MEIS2: variants seen among roughly 807,000 people sequenced by gnomAD.
The protein encoded by MEIS2 is homeobox protein Meis2.
Under a neutral mutation model 58.6 loss-of-function variants are expected in MEIS2, and 9 were observed. That is an observed-to-expected ratio of 0.15 (90% CI 0.09 to 0.27). The LOEUF is 0.27. Ranked by LOEUF, MEIS2 falls within the 10% of genes least tolerant of loss-of-function variation. The pLI, the probability that MEIS2 is intolerant of heterozygous loss-of-function variation, is 1.00. For missense variants in MEIS2, 427 were observed against 635.0 expected, an observed-to-expected ratio of 0.67 and a Z score of 3.52; for synonymous variants, 221 against 228.4, an observed-to-expected ratio of 0.97 and a Z score of 0.29.
Position 37,099,679 on chromosome 15 carries a change from T to C in MEIS2, c.-213A>G. The C allele has an allele frequency of 1.8e-6, 1 of 561,156 alleles. No individual in the cohort carries two copies. The highest frequency in any genetic ancestry group is 3.0e-6 in the Non-Finnish European group (1 of 334,706). The allele number at this position is 561,156 out of a possible 1,614,324, so 34.8% of individuals were successfully genotyped here. On this transcript the variant is annotated 5_prime_UTR_variant, in exon 1 of 12. Transcript: ENST00000561208. ...CTGTGATATTTCTTCTTTTTCTCTTTTTTCCTCTTCTTCCTCCTCCTCCTG... is the reference window on the plus strand; with the variant it reads ...CTGTGATATTTCTTCTTTTTCTCTTCTTTCCTCTTCTTCCTCCTCCTCCTG...
intron 8 of MEIS2, among the ~76,000 whole-genome samples, chr15:37,032,424 C>G (rs2061968273): frequency 6.6e-6 from 1 of 152,244 alleles, no homozygotes; most frequent in South Asian, 2.1e-4. Context: ...CTGTTTCTTT[C>G]TTTATCTTTG....
At chr15:37,074,549 G>A (rs1385017011) in intron 7 of MEIS2, among the ~76,000 whole-genome samples, 1 of 151,920 alleles carries the variant, frequency 6.6e-6, no homozygotes, top group East Asian at 1.9e-4. Flanking sequence ...TATTTTACAG[G>A]TGAGCAAAAG....
chr15:37,015,485 A>C (rs199885533), intron 8 of MEIS2, among the ~76,000 whole-genome samples: 1 of 151,104 alleles, frequency 6.6e-6, no homozygotes, highest in South Asian at 2.1e-4. Context: ...CACACACACA[A>C]ACACACTTCT....
At position 36,892,001 on chromosome 15, in the gene MEIS2, C is replaced by T; in HGVS notation, c.*172G>A. On this transcript the variant is annotated 3_prime_UTR_variant, in exon 12 of 12. Coordinates refer to ENST00000561208, the MANE Select transcript of MEIS2 (RefSeq NM_170675.5). ...AATTGTCTCAGTCAGCCCATGATTT[C>T]ACATTTGTGTTCTTGTTGCATTGGT... is the stretch of plus-strand genomic sequence containing the variant. The T allele has an allele frequency of 4.2e-6, 3 of 707,244 alleles. No individual in the cohort carries two copies. The allele number at this position is 707,244 out of a possible 1,614,324, so 43.8% of individuals were successfully genotyped here.
chr15:36,905,963 G>A (rs927015309), intron 9 of MEIS2, among the ~76,000 whole-genome samples: 3 of 152,164 alleles, frequency 2.0e-5, no homozygotes, highest in African/African-American at 7.2e-5. Context: ...AATTAAAGAA[G>A]TTAAAGATAA....
At chr15:36,980,459 A>G (rs1276095082) in intron 8 of MEIS2, among the ~76,000 whole-genome samples, 1 of 152,114 alleles carries the variant, frequency 6.6e-6, no homozygotes, top group Non-Finnish European at 1.5e-5. Context: ...CACCTCTTAC[A>G]TGGATGGCAG....
chr15:37,029,618 A>G (rs2061836526), intron 8 of MEIS2, among the ~76,000 whole-genome samples: 1 of 152,144 alleles, frequency 6.6e-6, no homozygotes, highest in Admixed American at 6.6e-5. Context: ...TTGGTGATAC[A>G]TAAGCTCTGA....
chr15:36,964,728 G>A (rs968413589), intron 8 of MEIS2, among the ~76,000 whole-genome samples: 1 of 152,098 alleles, frequency 6.6e-6, no homozygotes, highest in Non-Finnish European at 1.5e-5. Flanking sequence ...TACCCTAGTG[G>A]ATAAACATTT....
chr15:37,087,712 G>T (rs931524586), intron 6 of MEIS2, among the ~76,000 whole-genome samples: 1 of 152,150 alleles, frequency 6.6e-6, no homozygotes, highest in African/African-American at 2.4e-5. Flanking sequence ...TGCCTCTCTT[G>T]TTGAAGTTGC....
intron 9 of MEIS2, among the ~76,000 whole-genome samples, chr15:36,946,544 CT>C (rs1372755617): frequency 6.6e-6 from 1 of 151,952 alleles, no homozygotes; most frequent in African/African-American, 2.4e-5. Context: ...CTATTTACCC[CT>C]GGAAGAAATC....
intron 8 of MEIS2, among the ~76,000 whole-genome samples, chr15:36,974,289 C>A (rs2141478726): frequency 6.6e-6 from 1 of 152,278 alleles, no homozygotes; most frequent in Middle Eastern, 3.4e-3. Context: ...CAAGCTCCTA[C>A]ATAGTTCGTT....
intron 9 of MEIS2, among the ~76,000 whole-genome samples, chr15:36,918,708 C>T (rs1193865650): frequency 6.6e-6 from 1 of 152,080 alleles, no homozygotes; most frequent in Non-Finnish European, 1.5e-5. Flanking sequence ...GCTTTGGGCC[C>T]TTCCTTGAAG....
At chr15:37,042,708 C>A (rs973445752) in intron 7 of MEIS2, among the ~76,000 whole-genome samples, 1 of 152,222 alleles carries the variant, frequency 6.6e-6, no homozygotes, top group African/African-American at 2.4e-5. Flanking sequence ...CTGAGCTAGA[C>A]CTGGTCCAAG....
chr15:36,929,549 C>T (rs1388088227), intron 9 of MEIS2, among the ~76,000 whole-genome samples: 1 of 152,224 alleles, frequency 6.6e-6, no homozygotes, highest in Non-Finnish European at 1.5e-5. Flanking sequence ...GGAGAATACA[C>T]TCCAAGTTCT....
chr15:37,073,373 T>G (rs1437319037), intron 7 of MEIS2, among the ~76,000 whole-genome samples: 1 of 151,846 alleles, frequency 6.6e-6, no homozygotes, highest in Admixed American at 6.6e-5. Context: ...ACTTGCACAT[T>G]TGTCATGGTA....
intron 8 of MEIS2, among the ~76,000 whole-genome samples, chr15:36,996,679 A>T (rs2060532645): frequency 6.6e-6 from 1 of 152,164 alleles, no homozygotes; most frequent in Non-Finnish European, 1.5e-5. Context: ...TAAACAAGAG[A>T]CATGGAGCAG....
At chr15:37,022,811 A>G (rs1316097609) in intron 8 of MEIS2, among the ~76,000 whole-genome samples, 2 of 151,552 alleles carry the variant, frequency 1.3e-5, no homozygotes, top group African/African-American at 4.8e-5. Flanking sequence ...CGCCTGCCAG[A>G]ACACCCGGCT....
At chr15:37,090,198 AC>A (rs1893350543) in intron 6 of MEIS2, among the ~76,000 whole-genome samples, 1 of 152,040 alleles carries the variant, frequency 6.6e-6, no homozygotes, top group Non-Finnish European at 1.5e-5. Context: ...AAGACAAAAT[AC>A]ATTATAATAT....
In MEIS2 at chr15:37,071,142, CA is replaced by C. The variant is rs762543650; in HGVS notation, c.754+12628del. 1.2e-3 allele frequency among the ~76,000 whole-genome samples: 188 copies of C among 150,670 alleles called. 2 individuals are homozygous for C. The East Asian group carries it at 0.024, about 19-fold the overall frequency. ...CACAATATGGACCCAATCTTCCTTT[CA>C]AAAAAAAATAATTATTATTGAAGGC... On this transcript the variant is annotated intron_variant, in intron 7 of 11. Coordinates refer to ENST00000561208, the MANE Select transcript of MEIS2 (RefSeq NM_170675.5).
Sources: gnomAD v4.1 joint callset for allele counts (sites outside exome capture counted in the v4.1 genomes callset) on GRCh38, gnomAD v4.1.1 for gene constraint, MANE v1.5 for transcripts, NCBI Gene and HGNC (gene_info 2026-07-23, HGNC 2026-07-21) for gene names.